KIAA0319: variants seen among roughly 807,000 people sequenced by gnomAD.
The protein encoded by KIAA0319 is KIAA0319.
In KIAA0319, 83 loss-of-function variants were observed where a neutral mutation model predicts 108.4. The ratio of observed to expected loss-of-function variants is 0.77; its 90% CI spans 0.64 to 0.92. The LOEUF is 0.92. Among genes scored for constraint, KIAA0319 ranks in the 40% least tolerant of loss-of-function variants. The probability of loss-of-function intolerance (pLI) is 0.00; values close to 1 mark genes in which losing one functional copy is unlikely to be tolerated. For synonymous variants in KIAA0319, 484 were observed against 510.4 expected, an observed-to-expected ratio of 0.95 and a Z score of 0.70; for missense variants, 1,195 against 1,322.4, an observed-to-expected ratio of 0.90 and a Z score of 1.49.
intron 1 of KIAA0319, among the ~76,000 whole-genome samples, chr6:24,640,968 T>G (rs1666283815): frequency 6.6e-6 from 1 of 152,202 alleles, no homozygotes; most frequent in Non-Finnish European, 1.5e-5. Flanking sequence ...TTAACCATTT[T>G]TAAATATACA....
intron 4 of KIAA0319, among the ~76,000 whole-genome samples, chr6:24,585,148 G>A (rs1767268737): frequency 6.6e-6 from 1 of 152,088 alleles, no homozygotes; most frequent in South Asian, 2.1e-4. Flanking sequence ...GCGACACATG[G>A]AGCTTTGATA....
chr6:24,583,751 T>C (rs1767012071), intron 4 of KIAA0319, 49 bp from the exon 5 acceptor site: 1 of 1,124,218 alleles, frequency 8.9e-7, no homozygotes, highest in Non-Finnish European at 1.4e-6. Context: ...TATAATGTGT[T>C]ACATTACTGC....
At chr6:24,541,364 G>A (rs1258191121), downstream of KIAA0319, among the ~76,000 whole-genome samples, 4 of 152,140 alleles carry the variant, frequency 2.6e-5, no homozygotes, top group Admixed American at 6.5e-5. Context: ...AAAACCAGTC[G>A]ATTGGATTAG....
chr6:24,615,892 C>T (rs1773082510), intron 1 of KIAA0319, among the ~76,000 whole-genome samples: 1 of 152,138 alleles, frequency 6.6e-6, no homozygotes, highest in African/African-American at 2.4e-5. Flanking sequence ...TCTCACGGTT[C>T]TATTATTGTT....
At chr6:24,603,885 G>T (rs1352383307) in intron 1 of KIAA0319, among the ~76,000 whole-genome samples, 1 of 152,062 alleles carries the variant, frequency 6.6e-6, no homozygotes, top group Non-Finnish European at 1.5e-5. Flanking sequence ...GCACATAGGG[G>T]ACTGCCGTCG....
intron 11 of KIAA0319, 110 bp from the exon 12 acceptor site, chr6:24,570,145 A>G: frequency 1.0e-6 from 1 of 998,708 alleles, no homozygotes; most frequent in Non-Finnish European, 1.5e-6. Context: ...GGCAGCCACT[A>G]GAGTATGCAG....
intron 1 of KIAA0319, among the ~76,000 whole-genome samples, chr6:24,607,358 A>AAAAAAGAAAAG (rs11269559): frequency 0.86 from 129,092 of 149,952 alleles, 55,729 homozygotes; most frequent in East Asian, 0.97. Flanking sequence ...CTCCATCTCA[A>AAAAAAGAAAAG]AAAAAGAAAA....
chr6:24,547,167 A>G lies in KIAA0319; in HGVS notation c.3217T>C (p.Ter1073GlnextTer6). The G allele has an allele frequency of 1.9e-6, 3 of 1,614,056 alleles. No individual in the cohort carries two copies. Among genetic ancestry groups the G allele is most frequent in the Non-Finnish European group, 2.5e-6 (3 of 1,179,950 alleles). Residue 1073 changes from the stop codon to glutamine (Q), a stop_lost, in exon 21 of 21, where the codon TAA becomes CAA. Transcript: ENST00000378214. ...CCACTTTACAATGAACTGCGCCATT[A>G]TCTGTCCTTTGAGCAATAACTGAAG... The part of the protein sequence containing the change: ...ASFSYCSKDR[*>Q]
At chr6:24,627,074 G>A (rs533763112) in intron 1 of KIAA0319, among the ~76,000 whole-genome samples, 1 of 152,250 alleles carries the variant, frequency 6.6e-6, no homozygotes, top group Admixed American at 6.5e-5. Flanking sequence ...AGCAGGGCAG[G>A]CCAGCAGAAC....
At chr6:24,592,348 T>G (rs941039899) in intron 3 of KIAA0319, among the ~76,000 whole-genome samples, 1 of 152,208 alleles carries the variant, frequency 6.6e-6, no homozygotes, top group African/African-American at 2.4e-5. Context: ...ATTTTACATA[T>G]TTTTTTGGTG....
chr6:24,593,666 G>A (rs1768903180), intron 3 of KIAA0319, among the ~76,000 whole-genome samples: 1 of 151,206 alleles, frequency 6.6e-6, no homozygotes, highest in African/African-American at 2.4e-5. Context: ...CTCCCAAAGT[G>A]CTGGGATTAC....
At chr6:24,580,076 G>T (rs1766247799) in intron 7 of KIAA0319, 126 bp from the exon 8 acceptor site, 3 of 688,230 alleles carry the variant, frequency 4.4e-6, no homozygotes, top group Admixed American at 2.9e-5. Context: ...TATCCTACAG[G>T]CCTCAACTAT....
At chr6:24,588,876 T>G (rs1048215028) in intron 3 of KIAA0319, 91 bp from the exon 4 acceptor site, 5 of 1,058,238 alleles carry the variant, frequency 4.7e-6, no homozygotes, top group Non-Finnish European at 7.0e-6. Flanking sequence ...TTTTCATAAA[T>G]TAGCTTTGGT....
chr6:24,572,481 C>T (rs1409448561), intron 11 of KIAA0319, 94 bp downstream of exon 11: 11 of 1,413,274 alleles, frequency 7.8e-6, no homozygotes, highest in African/African-American at 1.5e-5. Flanking sequence ...ACCCACAGGC[C>T]GGTACCACCA....
intron 18 of KIAA0319, 94 bp from the exon 19 acceptor site, chr6:24,554,725 A>G (rs1762053941): frequency 7.8e-6 from 7 of 898,788 alleles, no homozygotes; most frequent in Admixed American, 3.8e-5. Context: ...CTGAATCCCT[A>G]CAAGGAAAGG....
intron 1 of KIAA0319, among the ~76,000 whole-genome samples, chr6:24,630,663 ATT>A (rs1775430918): frequency 6.8e-6 from 1 of 146,414 alleles, no homozygotes; most frequent in South Asian, 2.1e-4. Context: ...CGTTCCATTT[ATT>A]CAATTGTGTG....
chr6:24,641,786 C>T (rs143860572), intron 1 of KIAA0319, among the ~76,000 whole-genome samples: 22 of 152,170 alleles, frequency 1.4e-4, no homozygotes, highest in Middle Eastern at 3.4e-3. Context: ...AATCCCAGCA[C>T]TTTGGGAGGC....
At chr6:24,582,083 T>C (rs1417974214) in intron 6 of KIAA0319, among the ~76,000 whole-genome samples, 166 bp downstream of exon 6, 1 of 152,084 alleles carries the variant, frequency 6.6e-6, no homozygotes, top group African/African-American at 2.4e-5. Flanking sequence ...GAGGCAGAGG[T>C]TGCAGTGAGC....
chr6:24,617,577 A>G (rs1226576589), intron 1 of KIAA0319, among the ~76,000 whole-genome samples: 5 of 152,246 alleles, frequency 3.3e-5, no homozygotes, highest in East Asian at 3.8e-4. Context: ...GCACTGATTT[A>G]TACAATAGAG....
Sources: allele counts gnomAD v4.1 joint callset (sites outside exome capture counted in the v4.1 genomes callset), GRCh38; gene constraint gnomAD v4.1.1; transcripts MANE v1.5; gene names NCBI Gene and HGNC (gene_info 2026-07-23, HGNC 2026-07-21).